The following KCNQ1 variants were observed in gnomAD, a reference collection of about 807,000 sequenced individuals.
KCNQ1 encodes the protein potassium voltage-gated channel subfamily KQT member 1.
KCNQ1 carries 49 observed loss-of-function variants against 72.4 expected under a neutral mutation model. The observed-to-expected ratio is 0.68, with a 90% CI of 0.54 to 0.86. The LOEUF (loss-of-function observed/expected upper bound fraction) is 0.86, where lower values mean the gene tolerates loss of function less well. Among genes scored for constraint, KCNQ1 ranks in the 40% least tolerant of loss-of-function variants. The probability of loss-of-function intolerance (pLI) is 0.00; values close to 1 mark genes in which losing one functional copy is unlikely to be tolerated. For missense variants in KCNQ1, 790 were observed against 945.1 expected (o/e 0.84, Z 2.15); for synonymous variants, 450 against 412.6 (o/e 1.09, Z -1.10).
In KCNQ1 at chr11:2,602,169, A is replaced by C. The variant is rs986840667; in HGVS notation, c.1393+13315A>C. 6.6e-6 allele frequency among the ~76,000 whole-genome samples: 1 copy of C among 152,166 alleles called. No homozygotes were observed. Among genetic ancestry groups the C allele is most frequent in the African/African-American group, 2.4e-5 (1 of 41,418 alleles). On this transcript the variant is annotated intron_variant, in intron 10 of 15. Coordinates refer to ENST00000155840, the MANE Select transcript of KCNQ1 (RefSeq NM_000218.3). This position sits in a 1 kb window ranked among gnomAD's most constrained non-coding sequence, Gnocchi z 4.8. Reference sequence around the variant, plus strand: ...AACGCTTCCAGAAGAAAAGGCAAGGAAAGGGAAGGGATGCTCCCCTGAAGC... The same window carrying C: ...AACGCTTCCAGAAGAAAAGGCAAGGCAAGGGAAGGGATGCTCCCCTGAAGC...
chr11:2,462,341 C>G lies in KCNQ1; in HGVS notation c.386+16857C>G, dbSNP rs1472815937. ...GTCTAGGGCCACCCCCTCTGACTTGCCTCCTCCTCCTTCTGACTTGCCTCC... is the reference window on the plus strand; with the variant it reads ...GTCTAGGGCCACCCCCTCTGACTTGGCTCCTCCTCCTTCTGACTTGCCTCC... On this transcript the variant is annotated intron_variant, in intron 1 of 15. Coordinates refer to ENST00000155840, the MANE Select transcript of KCNQ1 (RefSeq NM_000218.3). This position sits in a 1 kb window ranked among gnomAD's most constrained non-coding sequence, Gnocchi z 8.2. Among the ~76,000 whole-genome samples the G allele has an allele frequency of 6.6e-6, 1 of 152,048 alleles. No homozygotes were observed. The highest frequency in any genetic ancestry group is 1.5e-5 in the Non-Finnish European group (1 of 67,914).
At chr11:2,758,162 T>G (rs1243503119) in intron 11 of KCNQ1, among the ~76,000 whole-genome samples, 1 of 152,136 alleles carries the variant, frequency 6.6e-6, no homozygotes, top group Non-Finnish European at 1.5e-5. Flanking sequence ...GCAAGCCACA[T>G]ATTTGACACC....
At position 2,764,376 on chromosome 11, in the gene KCNQ1, T is replaced by G. The variant is rs1846459048; in HGVS notation, c.1515-4468T>G. The stretch of plus-strand genomic sequence containing the variant: ...GCTGCTTGGTCCTTAGAGGGTAAAC[T>G]CAGCATGCACAAGTGGATTAAACCA... On this transcript the variant is annotated intron_variant, in intron 11 of 15. Coordinates refer to ENST00000155840, the MANE Select transcript of KCNQ1 (RefSeq NM_000218.3). The surrounding 1 kb of genome is among the most constrained non-coding windows in gnomAD (Gnocchi z 4.8). 6.6e-6 allele frequency among the ~76,000 whole-genome samples: 1 copy of G among 152,186 alleles called. No homozygotes were observed. Among genetic ancestry groups the G allele is most frequent in the Non-Finnish European group, 1.5e-5 (1 of 68,024 alleles).
At position 2,493,646 on chromosome 11, in the gene KCNQ1, T is replaced by A. The variant is rs1223517648; in HGVS notation, c.387-34282T>A. On this transcript the variant is annotated intron_variant, in intron 1 of 15. Coordinates refer to ENST00000155840, the MANE Select transcript of KCNQ1 (RefSeq NM_000218.3). The surrounding 1 kb of genome is among the most constrained non-coding windows in gnomAD (Gnocchi z 5.3). ...GCTTTTTTGTCAGGTTGGTCAAAGA[T>A]CAGATGATTTTAGGTGAGTGGTGTT... Among the ~76,000 whole-genome samples the A allele has an allele frequency of 2.0e-5, 3 of 152,228 alleles. No individual in the cohort carries two copies. The highest frequency in any genetic ancestry group is 6.5e-5 in the Admixed American group (1 of 15,282).
Position 2,658,212 on chromosome 11 carries a change from C to A in KCNQ1, c.1394-3749C>A. 2.5e-6 allele frequency: 1 copy of A among 398,562 alleles called. No homozygotes were observed. The highest frequency in any genetic ancestry group is 4.4e-6 in the Non-Finnish European group (1 of 226,040). 24.7% of individuals were successfully genotyped at this position (398,562 alleles called of 1,614,324 possible). The stretch of plus-strand genomic sequence containing the variant: ...AGTTTCACTAACTAATTTCAGCATT[C>A]ATTCATGGATCGTTTTCCTGCAGCA... On this transcript the variant is annotated intron_variant, in intron 10 of 15. Transcript: ENST00000155840. The surrounding 1 kb of genome is among the most constrained non-coding windows in gnomAD (Gnocchi z 4.9).
chr11:2,574,402 G>A (rs1046790752), intron 6 of KCNQ1, among the ~76,000 whole-genome samples: 5 of 152,186 alleles, frequency 3.3e-5, no homozygotes, highest in Admixed American at 1.3e-4. Context: ...CTGGGGGCTG[G>A]GGAGGAGGCC....
chr11:2,624,928 T>C lies in KCNQ1; in HGVS notation c.1393+36074T>C, dbSNP rs138305774. ...GCATGTGTCAAAATTTCTATTTTTT[T>C]TAAAGCTGAATAATATTACATTGTA... On this transcript the variant is annotated intron_variant, in intron 10 of 15. Coordinates refer to ENST00000155840, the MANE Select transcript of KCNQ1 (RefSeq NM_000218.3). This position sits in a 1 kb window ranked among gnomAD's most constrained non-coding sequence, Gnocchi z 4.9. The C allele has an allele frequency of 2.8e-3, 1,130 of 398,588 alleles. 10 individuals carry two copies. Among genetic ancestry groups the C allele is most frequent in the African/African-American group, 0.021 (1,018 of 48,748 alleles). The allele number at this position is 398,588 out of a possible 1,614,324, so 24.7% of individuals were successfully genotyped here.
chr11:2,772,805 C>T lies in KCNQ1; in HGVS notation c.1591-3155C>T, dbSNP rs892431252. Among the ~76,000 whole-genome samples, 2 of 152,220 alleles carry T rather than the reference C, an allele frequency of 1.3e-5. No individual in the cohort carries two copies. Among genetic ancestry groups the T allele is most frequent in the Non-Finnish European group, 1.5e-5 (1 of 68,044 alleles). ...ACACACACACCTACACCCACCTGGT[C>T]ACAGTGGCCCAGAGACTCCTAGGGC... On this transcript the variant is annotated intron_variant, in intron 12 of 15. Coordinates refer to ENST00000155840, the MANE Select transcript of KCNQ1 (RefSeq NM_000218.3). The surrounding 1 kb of genome is among the most constrained non-coding windows in gnomAD (Gnocchi z 6.6).
chr11:2,682,800 T>C lies in KCNQ1; in HGVS notation c.1514+20719T>C. ...GAAATCTGGGCACCATGAAATGCAG[T>C]GACTTGCAGTGATCCTCCTGGGGCC... is the stretch of plus-strand genomic sequence containing the variant. On this transcript the variant is annotated intron_variant, in intron 11 of 15. Coordinates refer to ENST00000155840, the MANE Select transcript of KCNQ1 (RefSeq NM_000218.3). This position sits in a 1 kb window ranked among gnomAD's most constrained non-coding sequence, Gnocchi z 5.8. 1 of 398,654 alleles carries C rather than the reference T, an allele frequency of 2.5e-6. No homozygotes were observed. The highest frequency in any genetic ancestry group is 4.4e-6 in the Non-Finnish European group (1 of 226,074). 24.7% of individuals were successfully genotyped at this position (398,654 alleles called of 1,614,324 possible).
At chr11:2,577,319 C>A (rs775269011) in intron 6 of KCNQ1, among the ~76,000 whole-genome samples, 1 of 152,180 alleles carries the variant, frequency 6.6e-6, no homozygotes, top group South Asian at 2.1e-4. Context: ...GAAGCACCGC[C>A]GGAGTGTCCC....
chr11:2,557,595 C>T (rs954835208), intron 2 of KCNQ1, among the ~76,000 whole-genome samples: 1 of 152,262 alleles, frequency 6.6e-6, no homozygotes, highest in African/African-American at 2.4e-5. Flanking sequence ...GCTCATCTCC[C>T]CTCTGCATAG....
chr11:2,736,675 T>C (rs1306615879), intron 11 of KCNQ1, among the ~76,000 whole-genome samples: 2 of 152,216 alleles, frequency 1.3e-5, no homozygotes, highest in African/African-American at 2.4e-5. Context: ...GTGTCCCTTG[T>C]GATCTTCCGC....
At position 2,782,961 on chromosome 11, in the gene KCNQ1, T is replaced by G. The variant is rs189078537; in HGVS notation, c.1794+4924T>G. Among the ~76,000 whole-genome samples, 508 of 152,274 alleles carry G rather than the reference T, an allele frequency of 3.3e-3. 1 individual carries two copies. The highest frequency in any genetic ancestry group is 0.011 in the African/African-American group (478 of 41,568). ...TCCTTCTATTTACTTGGCCTTAATA[T>G]ACTGTTCTTTCTCTAACCTCTCTAA... On this transcript the variant is annotated intron_variant, in intron 15 of 15. Coordinates refer to ENST00000155840, the MANE Select transcript of KCNQ1 (RefSeq NM_000218.3). The surrounding 1 kb of genome is among the most constrained non-coding windows in gnomAD (Gnocchi z 6.1).
intron 6 of KCNQ1, among the ~76,000 whole-genome samples, chr11:2,582,425 C>G (rs1417479096): frequency 6.6e-6 from 1 of 152,358 alleles, no homozygotes; most frequent in East Asian, 1.9e-4. Flanking sequence ...GCCATCAGCA[C>G]TGGGCCCATA....
intron 2 of KCNQ1, among the ~76,000 whole-genome samples, chr11:2,529,894 C>A (rs77710633): frequency 1.4e-3 from 212 of 152,212 alleles, no homozygotes; most frequent in African/African-American, 5.0e-3. Context: ...AGGTCCGATG[C>A]CTGGCGTGGT....
chr11:2,736,913 G>A (rs1038527191), intron 11 of KCNQ1, among the ~76,000 whole-genome samples: 12 of 152,242 alleles, frequency 7.9e-5, no homozygotes, highest in East Asian at 1.9e-4. Context: ...GGCCTGCCTC[G>A]GGCTACCCTG....
chr11:2,825,360 A>G (rs1847817771), intron 15 of KCNQ1, among the ~76,000 whole-genome samples: 1 of 152,200 alleles, frequency 6.6e-6, no homozygotes, highest in Non-Finnish European at 1.5e-5. Context: ...TGCTCAGCTC[A>G]GTGTCCTTCC....
intron 12 of KCNQ1, chr11:2,771,693 A>G (rs1452257729): frequency 1.3e-5 from 2 of 152,196 alleles, no homozygotes; most frequent in Admixed American, 1.3e-4. Context: ...TTCTCTTGGT[A>G]AATAAGCAAT....
chr11:2,685,436 C>T (rs771362956), intron 11 of KCNQ1: 40 of 398,594 alleles, frequency 1.0e-4, no homozygotes, highest in East Asian at 2.1e-4. Flanking sequence ...GTCACCTGAA[C>T]GAGAAGCCCT....
Sources: gnomAD v4.1 joint callset for allele counts (sites outside exome capture counted in the v4.1 genomes callset) on GRCh38, gnomAD v4.1.1 for gene constraint, Gnocchi (gnomAD v3.1) non-coding constraint, MANE v1.5 for transcripts, NCBI Gene and HGNC (gene_info 2026-07-23, HGNC 2026-07-21) for gene names.